The following NRG1 variants were observed in gnomAD, a reference collection of about 807,000 sequenced individuals.
NRG1 encodes pro-neuregulin-1, membrane-bound isoform.
Under a neutral mutation model 63.8 loss-of-function variants are expected in NRG1, and 18 were observed. The observed-to-expected ratio is 0.28, with a 90% CI of 0.19 to 0.42. The LOEUF is 0.42. Ranked by LOEUF, NRG1 falls within the 10% of genes least tolerant of loss-of-function variation. The pLI is 1.00. For missense variants in NRG1, 762 were observed against 814.7 expected, an observed-to-expected ratio of 0.94 and a Z score of 0.79; for synonymous variants, 302 against 301.3, an observed-to-expected ratio of 1.00 and a Z score of -0.02.
intron 1 of NRG1, among the ~76,000 whole-genome samples, chr8:32,025,069 T>C (rs1586557903): frequency 6.6e-6 from 1 of 152,320 alleles, no homozygotes; most frequent in South Asian, 2.1e-4. Context: ...CTGTCACTTT[T>C]CATTTTATAT....
intron 1 of NRG1, among the ~76,000 whole-genome samples, chr8:31,877,852 C>A (rs1830047810): frequency 6.6e-6 from 1 of 152,140 alleles, no homozygotes; most frequent in Non-Finnish European, 1.5e-5. Context: ...CCTGCTTCTC[C>A]TAAAATATTT....
chr8:32,721,780 G>T, intron 5 of NRG1: 1 of 1,208,436 alleles, frequency 8.3e-7, no homozygotes. Flanking sequence ...GAAAACTAAT[G>T]ACTCCACCTA....
chr8:31,909,097 A>G (rs1832744498), intron 1 of NRG1, among the ~76,000 whole-genome samples: 1 of 152,164 alleles, frequency 6.6e-6, no homozygotes, highest in Admixed American at 6.5e-5. Context: ...GTAAAAAGCT[A>G]CACTTTGTGG....
intron 1 of NRG1, among the ~76,000 whole-genome samples, chr8:31,797,360 T>G (rs1289085293): frequency 1.3e-5 from 2 of 152,204 alleles, no homozygotes; most frequent in African/African-American, 4.8e-5. Flanking sequence ...GATAGATGCT[T>G]GTTTAGTCAC....
chr8:32,241,084 G>C (rs1431256760), intron 1 of NRG1, among the ~76,000 whole-genome samples: 3 of 152,094 alleles, frequency 2.0e-5, no homozygotes, highest in Non-Finnish European at 4.4e-5. Context: ...TTCCCAGAGG[G>C]CTTGTTTAAA....
intron 1 of NRG1, among the ~76,000 whole-genome samples, chr8:32,025,862 C>T (rs893102169): frequency 6.8e-6 from 1 of 147,382 alleles, no homozygotes; most frequent in Non-Finnish European, 1.5e-5. Flanking sequence ...AGGAGAATGG[C>T]GTGAACCCGG....
intron 1 of NRG1, among the ~76,000 whole-genome samples, chr8:31,983,390 C>CT (rs1809500710): frequency 6.6e-6 from 1 of 151,898 alleles, no homozygotes; most frequent in Non-Finnish European, 1.5e-5. Flanking sequence ...TAAAAATACT[C>CT]TTTTTGAGAC....
intron 1 of NRG1, among the ~76,000 whole-genome samples, chr8:31,894,546 C>CTTTTTTTTTTTTT (rs370312165): frequency 2.0e-5 from 2 of 98,068 alleles, no homozygotes; most frequent in African/African-American, 3.3e-5. Flanking sequence ...CTATTTCTTT[C>CTTTTTTTTTTTTT]TTTTTTCTTT....
intron 1 of NRG1, among the ~76,000 whole-genome samples, chr8:32,366,623 A>T (rs1310695382): frequency 1.3e-5 from 2 of 148,600 alleles, no homozygotes; most frequent in African/African-American, 4.9e-5. Flanking sequence ...TCCATAATAT[A>T]TGTATATATA....
At chr8:32,422,532 G>GCTTTTGA (rs1393625380) in intron 1 of NRG1, among the ~76,000 whole-genome samples, 1 of 152,180 alleles carries the variant, frequency 6.6e-6, no homozygotes, top group Non-Finnish European at 1.5e-5. Context: ...TCATCTTTGA[G>GCTTTTGA]CTTTTGACCA....
chr8:32,547,324 G>C (rs1833176719), upstream of NRG1, among the ~76,000 whole-genome samples: 1 of 152,112 alleles, frequency 6.6e-6, no homozygotes. Flanking sequence ...GTTTGAATCT[G>C]AGAAACCCCA....
At chr8:32,414,038 C>T (rs1318728970) in intron 1 of NRG1, among the ~76,000 whole-genome samples, 5 of 151,606 alleles carry the variant, frequency 3.3e-5, no homozygotes, top group Middle Eastern at 3.4e-3. Context: ...CCTGAAGGTT[C>T]TAGGAGGTTT....
intron 1 of NRG1, among the ~76,000 whole-genome samples, chr8:31,794,338 C>T (rs141835599): frequency 6.6e-6 from 1 of 151,878 alleles, no homozygotes; most frequent in African/African-American, 2.4e-5. Flanking sequence ...TATTTCAATT[C>T]AGTTTAATTC....
At chr8:32,320,899 G>T (rs1028897582) in intron 1 of NRG1, among the ~76,000 whole-genome samples, 5 of 152,124 alleles carry the variant, frequency 3.3e-5, no homozygotes, top group African/African-American at 7.2e-5. Flanking sequence ...TGGTGTAAAG[G>T]TAGGTCAGAT....
chr8:31,778,233 A>G (rs1819339574), intron 1 of NRG1, among the ~76,000 whole-genome samples: 1 of 152,062 alleles, frequency 6.6e-6, no homozygotes, highest in Admixed American at 6.6e-5. Context: ...CAATGCCACT[A>G]CTGAGCCTCT....
chr8:32,289,435 TAAA>T (rs560436983), intron 1 of NRG1, among the ~76,000 whole-genome samples: 1 of 145,632 alleles, frequency 6.9e-6, no homozygotes, highest in African/African-American at 2.5e-5. Context: ...GTTAACGTAT[TAAA>T]AAAAAAAAAC....
chr8:31,811,913 T>G (rs565404312), intron 1 of NRG1, among the ~76,000 whole-genome samples: 16 of 152,314 alleles, frequency 1.1e-4, no homozygotes, highest in Non-Finnish European at 2.1e-4. Flanking sequence ...CACCTCAAAC[T>G]ATGAGTTATT....
In NRG1 at chr8:32,754,415, CA is replaced by C; in HGVS notation, c.736del (p.Ile246SerfsTer41). Reference sequence around the variant, plus strand: ...AGAAGAGAGTGCTGACCATAACCGGCATCTGCATCGCCCTCCTTGTGGTCGG... The same window carrying C: ...AGAAGAGAGTGCTGACCATAACCGGCTCTGCATCGCCCTCCTTGTGGTCGG... On this transcript the variant is annotated frameshift_variant, in exon 8 of 12. Transcript: ENST00000356819. LOFTEE classifies it high-confidence loss of function. The C allele has an allele frequency of 6.2e-7, 1 of 1,613,878 alleles. No individual in the cohort carries two copies. Among genetic ancestry groups the C allele is most frequent in the Non-Finnish European group, 8.5e-7 (1 of 1,179,900 alleles).
intron 1 of NRG1, among the ~76,000 whole-genome samples, chr8:32,488,808 C>T (rs1344281112): frequency 2.6e-5 from 4 of 152,222 alleles, no homozygotes; most frequent in South Asian, 2.1e-4. Flanking sequence ...GCATCTAGAT[C>T]AGAGTGACAC....
Sources: allele counts gnomAD v4.1 joint callset (sites outside exome capture counted in the v4.1 genomes callset), GRCh38; gene constraint gnomAD v4.1.1; transcripts MANE v1.5; gene names NCBI Gene and HGNC (gene_info 2026-07-23, HGNC 2026-07-21).